The following FGF14 variants were observed in gnomAD, a reference collection of about 807,000 sequenced individuals.
FGF14 encodes the protein fibroblast growth factor 14.
In FGF14, 5 loss-of-function variants were observed where a neutral mutation model predicts 25.5. That is an observed-to-expected ratio of 0.20 (90% CI 0.10 to 0.41). FGF14 has a LOEUF of 0.41. Ranked by LOEUF, FGF14 falls within the 10% of genes least tolerant of loss-of-function variation. The pLI is 1.00. For missense variants in FGF14, 222 were observed against 320.1 expected (o/e 0.69, Z 2.34); for synonymous variants, 138 against 118.3 (o/e 1.17, Z -1.08).
intron 1 of FGF14, among the ~76,000 whole-genome samples, chr13:102,247,984 T>G (rs181681291): frequency 6.6e-6 from 1 of 152,142 alleles, no homozygotes; most frequent in East Asian, 1.9e-4. Flanking sequence ...CAAACTAACA[T>G]AGGAATGGAA....
intron 1 of FGF14, among the ~76,000 whole-genome samples, chr13:102,127,157 C>T (rs2045983984): frequency 6.6e-6 from 1 of 152,050 alleles, no homozygotes; most frequent in African/African-American, 2.4e-5. Flanking sequence ...TATAGCTACA[C>T]ATTCATATTT....
chr13:101,975,247 G>A (rs2037849539), intron 1 of FGF14, among the ~76,000 whole-genome samples: 1 of 152,008 alleles, frequency 6.6e-6, no homozygotes, highest in Non-Finnish European at 1.5e-5. Context: ...ACCTTGTGCT[G>A]TGACCCCACA....
chr13:102,310,455 G>A (rs1455107658), intron 1 of FGF14, among the ~76,000 whole-genome samples: 1 of 152,104 alleles, frequency 6.6e-6, no homozygotes, highest in African/African-American at 2.4e-5. Context: ...AAGTATTAAA[G>A]GAGAAGAGAA....
intron 1 of FGF14, among the ~76,000 whole-genome samples, chr13:102,159,446 T>C (rs2047522915): frequency 6.6e-6 from 1 of 152,134 alleles, no homozygotes; most frequent in South Asian, 2.1e-4. Context: ...GAATTCCTCA[T>C]TAATTGTAGC....
chr13:101,935,423 A>G (rs1208274338), intron 1 of FGF14, among the ~76,000 whole-genome samples: 1 of 152,204 alleles, frequency 6.6e-6, no homozygotes, highest in South Asian at 2.1e-4. Flanking sequence ...CTCACCTTGA[A>G]TTGCAGTTCC....
rs1206375003 is a variant in FGF14, at chr13:102,118,256, G to A, written c.209-242960C>T. Among the ~76,000 whole-genome samples, 9 of 151,876 alleles carry A rather than the reference G, an allele frequency of 5.9e-5. No homozygotes were observed. In the East Asian group the frequency reaches 1.2e-3, roughly 20 times the overall value. On this transcript the variant is annotated intron_variant, in intron 1 of 4. Transcript: ENST00000376131. Reference sequence around the variant, plus strand: ...TTTTGACATCATTGTAGTTATATACGTATGGGATAAATAAATATATTGTTA... The same window carrying A: ...TTTTGACATCATTGTAGTTATATACATATGGGATAAATAAATATATTGTTA...
intron 1 of FGF14, among the ~76,000 whole-genome samples, chr13:102,370,164 T>A (rs2057835071): frequency 6.6e-6 from 1 of 151,908 alleles, no homozygotes; most frequent in Non-Finnish European, 1.5e-5. Flanking sequence ...GCTAATTTTT[T>A]AAATTTTTTG....
chr13:102,030,741 G>A (rs2041168482), intron 1 of FGF14, among the ~76,000 whole-genome samples: 1 of 151,998 alleles, frequency 6.6e-6, no homozygotes, highest in Non-Finnish European at 1.5e-5. Context: ...CTAGAGGAAA[G>A]GTGGCTGTGG....
upstream of FGF14, among the ~76,000 whole-genome samples, chr13:101,920,729 TAAG>T (rs931709320): frequency 2.6e-5 from 4 of 152,182 alleles, no homozygotes; most frequent in African/African-American, 9.7e-5. Context: ...ATTCGAAACA[TAAG>T]AAGTTATTTT....
At chr13:102,129,297 A>AT (rs993044620) in intron 1 of FGF14, among the ~76,000 whole-genome samples, 1 of 151,870 alleles carries the variant, frequency 6.6e-6, no homozygotes, top group African/African-American at 2.4e-5. Context: ...CCCTTTAAGG[A>AT]TTTTTTTTCA....
intron 1 of FGF14, among the ~76,000 whole-genome samples, chr13:102,086,358 G>C (rs2043900116): frequency 6.6e-6 from 1 of 151,994 alleles, no homozygotes; most frequent in Non-Finnish European, 1.5e-5. Context: ...GTGAAACCCC[G>C]TCTCTACTAA....
chr13:101,938,212 T>A (rs2035228142), intron 1 of FGF14, among the ~76,000 whole-genome samples: 1 of 152,176 alleles, frequency 6.6e-6, no homozygotes. Context: ...CTAAATCCAC[T>A]TATGAATAAA....
intron 1 of FGF14, among the ~76,000 whole-genome samples, chr13:102,105,736 C>T (rs567875155): frequency 2.2e-4 from 33 of 152,176 alleles, no homozygotes; most frequent in African/African-American, 6.7e-4. Context: ...GCTTATTAAG[C>T]GGAAAAAATT....
At chr13:102,068,408 T>TG in intron 1 of FGF14, among the ~76,000 whole-genome samples, 1 of 152,320 alleles carries the variant, frequency 6.6e-6, no homozygotes, top group East Asian at 1.9e-4. Context: ...CGCTGCACTG[T>TG]GGGAGCCCCT....
intron 3 of FGF14, among the ~76,000 whole-genome samples, chr13:101,741,634 TA>T (rs11299686): frequency 0.6 from 86,350 of 143,842 alleles, 26,387 homozygotes; most frequent in Non-Finnish European, 0.69. Flanking sequence ...TTTATTACAG[TA>T]AAAAAAAAAA....
chr13:102,307,971 C>T (rs1485593233), intron 1 of FGF14, among the ~76,000 whole-genome samples: 2 of 152,238 alleles, frequency 1.3e-5, no homozygotes, highest in East Asian at 3.9e-4. Flanking sequence ...ATTTTAATAA[C>T]TTTCAAGGTG....
intron 1 of FGF14, among the ~76,000 whole-genome samples, chr13:102,357,721 T>C (rs931322369): frequency 2.0e-5 from 3 of 152,206 alleles, no homozygotes; most frequent in Admixed American, 1.3e-4. Flanking sequence ...GACAATCATG[T>C]GTTCAATAAA....
intron 1 of FGF14, among the ~76,000 whole-genome samples, chr13:102,004,483 C>A (rs550412619): frequency 3.9e-5 from 6 of 152,266 alleles, no homozygotes; most frequent in Admixed American, 2.6e-4. Context: ...AGCAAAACAA[C>A]CTGATCTTTA....
chr13:101,920,569 GTAT>G (rs1472372706), upstream of FGF14, among the ~76,000 whole-genome samples: 1 of 151,920 alleles, frequency 6.6e-6, no homozygotes, highest in African/African-American at 2.4e-5. Context: ...AGCTATGACT[GTAT>G]TATCATCATC....
Sources: allele counts gnomAD v4.1 joint callset (sites outside exome capture counted in the v4.1 genomes callset), GRCh38; gene constraint gnomAD v4.1.1; transcripts MANE v1.5; gene names NCBI Gene and HGNC (gene_info 2026-07-23, HGNC 2026-07-21).